CD109: variants seen among roughly 807,000 people sequenced by gnomAD.
CD109 encodes CD109 molecule, also known as CD109 antigen.
Under a neutral mutation model 165.8 loss-of-function variants are expected in CD109, and 149 were observed. The ratio of observed to expected loss-of-function variants is 0.90; its 90% CI spans 0.79 to 1.03. The LOEUF (loss-of-function observed/expected upper bound fraction) is 1.03. Among genes scored for constraint, CD109 ranks in the 50% least tolerant of loss-of-function variants. The pLI is 0.00. For synonymous variants in CD109, 585 were observed against 592.1 expected (o/e 0.99, Z 0.18); for missense variants, 1,712 against 1,677.8 (o/e 1.02, Z -0.36).
chr6:73,776,553 CTTTTTTTT>C (rs34703329), intron 15 of CD109, among the ~76,000 whole-genome samples: 7 of 73,110 alleles, frequency 9.6e-5, no homozygotes, highest in Middle Eastern at 0.012. Context: ...CGCAAGTGGC[CTTTTTTTT>C]TTTTTTTTTT....
rs764826245 is a variant in CD109, at chr6:73,806,977, A to G, written c.3094A>G (p.Arg1032Gly). The part of the protein sequence containing the change: ...KSNGEFWDPG[R>G]VIHSELQGGN... Reference sequence around the variant, plus strand: ...CAACGGTGAATTTTGGGATCCAGGAAGAGTGATTCATAGTGAGCTTCAAGG... The same window carrying G: ...CAACGGTGAATTTTGGGATCCAGGAGGAGTGATTCATAGTGAGCTTCAAGG... Residue 1032 changes from arginine (R) to glycine (G), a missense_variant, in exon 25 of 33, where the codon AGA (arginine) becomes GGA (glycine). Coordinates refer to ENST00000287097, the MANE Select transcript of CD109 (RefSeq NM_133493.5). 9 of 1,613,968 alleles carry G rather than the reference A, an allele frequency of 5.6e-6. No homozygotes were observed. In the Admixed American group the frequency reaches 1.3e-4, roughly 24 times the overall value.
chr6:73,686,059 TTCTC>T, the CD109 span, among the ~76,000 whole-genome samples: 1 of 152,364 alleles, frequency 6.6e-6, no homozygotes, highest in East Asian at 1.9e-4. Context: ...CTGTGGGCTT[TTCTC>T]TCTCTGTGCT....
intron 23 of CD109, among the ~76,000 whole-genome samples, chr6:73,802,464 T>C (rs1207419327): frequency 1.3e-5 from 2 of 151,654 alleles, no homozygotes; most frequent in Non-Finnish European, 2.9e-5. Context: ...GGTCTAAGAA[T>C]AGAAAATACT....
intron 24 of CD109, among the ~76,000 whole-genome samples, chr6:73,804,663 A>G (rs956385709): frequency 3.3e-5 from 5 of 152,318 alleles, no homozygotes; most frequent in Middle Eastern, 6.8e-3. Flanking sequence ...CTCCCATTCT[A>G]TAGGAGAGAA....
intron 26 of CD109, among the ~76,000 whole-genome samples, chr6:73,809,697 T>C (rs758777437): frequency 3.3e-5 from 5 of 152,076 alleles, no homozygotes; most frequent in Non-Finnish European, 5.9e-5. Context: ...TTCCAAAAAT[T>C]CAAACAAAAC....
intron 15 of CD109, among the ~76,000 whole-genome samples, chr6:73,772,584 T>C (rs1189825433): frequency 6.6e-6 from 1 of 150,818 alleles, no homozygotes; most frequent in African/African-American, 2.4e-5. Context: ...GGTGAAATCA[T>C]GTTACTCTGC....
At chr6:73,727,346 A>G (rs117424915) in intron 3 of CD109, among the ~76,000 whole-genome samples, 2 of 151,992 alleles carry the variant, frequency 1.3e-5, no homozygotes, top group Non-Finnish European at 2.9e-5. Flanking sequence ...CTAATGATTC[A>G]CCAAGGCCCA....
At chr6:73,734,110 G>A (rs1203690629) in intron 4 of CD109, among the ~76,000 whole-genome samples, 2 of 152,196 alleles carry the variant, frequency 1.3e-5, no homozygotes, top group African/African-American at 2.4e-5. Flanking sequence ...TGCTTGGCTG[G>A]TTCAAATCCT....
At chr6:73,818,753 G>T (rs1213193266) in intron 31 of CD109, among the ~76,000 whole-genome samples, 1 of 152,232 alleles carries the variant, frequency 6.6e-6, no homozygotes, top group East Asian at 1.9e-4. Flanking sequence ...CCTGATGAAG[G>T]CCTTCATAAC....
At chr6:73,681,886 A>C in the CD109 span, among the ~76,000 whole-genome samples, 2 of 152,066 alleles carry the variant, frequency 1.3e-5, no homozygotes, top group African/African-American at 4.8e-5. Context: ...TACAGGTCTG[A>C]GCCACCGCAC....
At chr6:73,680,189 AT>A in the CD109 span, among the ~76,000 whole-genome samples, 21 of 152,196 alleles carry the variant, frequency 1.4e-4, no homozygotes, top group African/African-American at 4.8e-4. Flanking sequence ...TTTCCTAACT[AT>A]ATTACATACA....
chr6:73,684,977 C>A, the CD109 span, among the ~76,000 whole-genome samples: 1 of 148,156 alleles, frequency 6.7e-6, no homozygotes, highest in African/African-American at 2.5e-5. Flanking sequence ...AGTGTAGTGG[C>A]ATGATCTTGG....
chr6:73,803,389 C>A, intron 24 of CD109, 88 bp downstream of exon 24: 1 of 895,198 alleles, frequency 1.1e-6, no homozygotes, highest in Non-Finnish European at 1.8e-6. Flanking sequence ...AGATATATCT[C>A]TATATATTAT....
At chr6:73,718,556 T>G (rs1254406514) in intron 2 of CD109, among the ~76,000 whole-genome samples, 3 of 152,118 alleles carry the variant, frequency 2.0e-5, no homozygotes, top group Non-Finnish European at 4.4e-5. Flanking sequence ...TCACATTGAT[T>G]GATGTGCATA....
the CD109 span, among the ~76,000 whole-genome samples, chr6:73,679,486 A>T: frequency 1.5e-4 from 22 of 143,186 alleles, no homozygotes; most frequent in Admixed American, 1.5e-3. Flanking sequence ...TTGGATAATT[A>T]AAAAAAAAAG....
chr6:73,782,963 A>C (rs959991653), intron 18 of CD109, among the ~76,000 whole-genome samples: 4 of 152,062 alleles, frequency 2.6e-5, no homozygotes, highest in Non-Finnish European at 4.4e-5. Context: ...AGGTCTCATC[A>C]ATGAGAAGAT....
intron 4 of CD109, among the ~76,000 whole-genome samples, chr6:73,733,130 T>C (rs992561630): frequency 5.3e-5 from 8 of 152,180 alleles, no homozygotes; most frequent in African/African-American, 1.7e-4. Flanking sequence ...TTGGGCCAGG[T>C]TTACAAGTCT....
chr6:73,754,327 A>T (rs1207701570), intron 5 of CD109, among the ~76,000 whole-genome samples: 1 of 152,170 alleles, frequency 6.6e-6, no homozygotes, highest in Admixed American at 6.5e-5. Context: ...ACATTTAAGG[A>T]TCAGAAAGAG....
rs1776307859 is a variant in CD109 at position 73,827,318 on chromosome 6, A to G, written c.*3685A>G. The G allele has an allele frequency of 6.6e-6, 1 of 152,004 alleles. No individual in the cohort carries two copies. Among genetic ancestry groups the G allele is most frequent in the East Asian group, 1.9e-4 (1 of 5,168 alleles). 9.4% of individuals were successfully genotyped at this position (152,004 alleles called of 1,614,324 possible). ...TAAGACACTTATAGTAAGTGGACTC[A>G]TTCATAGATGAGTTTCAGAACCTTT... On this transcript the variant is annotated 3_prime_UTR_variant, in exon 33 of 33. Coordinates refer to ENST00000287097, the MANE Select transcript of CD109 (RefSeq NM_133493.5).
Sources: allele counts gnomAD v4.1 joint callset (sites outside exome capture counted in the v4.1 genomes callset), GRCh38; gene constraint gnomAD v4.1.1; transcripts MANE v1.5; gene names NCBI Gene and HGNC (gene_info 2026-07-23, HGNC 2026-07-21).